Variants in PIGG observed in about 807,000 individuals in gnomAD.
The protein encoded by PIGG is GPI ethanolamine phosphate transferase 2, catalytic subunit.
Under a neutral mutation model 83.2 loss-of-function variants are expected in PIGG, and 70 were observed. That is an observed-to-expected ratio of 0.84 (90% confidence interval 0.69 to 1.03). The LOEUF is 1.03. Ranked by LOEUF, PIGG falls within the 50% of genes least tolerant of loss-of-function variation. The probability of loss-of-function intolerance (pLI) is 0.00; values close to 1 mark genes in which losing one functional copy is unlikely to be tolerated. For missense variants in PIGG, 1,257 were observed against 1,233.6 expected, an observed-to-expected ratio of 1.02 and a Z score of -0.28; for synonymous variants, 532 against 519.5, an observed-to-expected ratio of 1.02 and a Z score of -0.33.
In PIGG at chr4:501,515, C is replaced by T. The variant is rs552110774; in HGVS notation, c.360+914C>T. ...TGTGAGCGTGGCATAAAGTCTCTGA[C>T]GGAGCCTTAGCTGTGTTGTTGATCA... is the stretch of plus-strand genomic sequence containing the variant. On this transcript the variant is annotated intron_variant, in intron 2 of 12. Coordinates refer to ENST00000453061, the MANE Select transcript of PIGG (RefSeq NM_001127178.3). The T allele has an allele frequency of 5.5e-5, 10 of 180,892 alleles. No individual in the cohort carries two copies. In the East Asian group the frequency reaches 1.5e-3, roughly 28 times the overall value. The allele number at this position is 180,892 out of a possible 1,614,324, so 11.2% of individuals were successfully genotyped here. A position where few individuals can be genotyped will look rare whatever the true frequency, so the allele number is the denominator to read the frequency against.
In PIGG at chr4:508,696, G is replaced by GA. The variant is rs200591897; in HGVS notation, c.760-124dup. 7.6e-4 allele frequency: 573 copies of GA among 750,838 alleles called. 2 individuals carry two copies. Among genetic ancestry groups the GA allele is most frequent in the East Asian group, 2.9e-3 (117 of 39,800 alleles). 46.5% of individuals were successfully genotyped at this position (750,838 alleles called of 1,614,324 possible). A position where few individuals can be genotyped will look rare whatever the true frequency, so the allele number is the denominator to read the frequency against. ...CTGTGATCTGGCTATGAGCTCATAG[G>GA]AAAAAAAAATCTAATTCATTGAGAA... On this transcript the variant is annotated intron_variant, in intron 4 of 12. Transcript: ENST00000453061.
rs559827237 is a variant in PIGG at position 505,729 on chromosome 4, G to T, written c.372G>T (p.Thr124=). ...TTTTCTGACTGCAGGCATTGATGACGGGGAGCCTTCCTGGCTTTGTCGACG... is the reference window on the plus strand; with the variant it reads ...TTTTCTGACTGCAGGCATTGATGACTGGGAGCCTTCCTGGCTTTGTCGACG... ...VTMPRIKALM[T]GSLPGFVDVI... is the part of the protein sequence containing the mutation. The change falls in exon 3 of 13, where the codon ACG becomes ACT. Residue 124 remains threonine, a synonymous_variant. Coordinates refer to ENST00000453061, the MANE Select transcript of PIGG (RefSeq NM_001127178.3). 2.5e-6 allele frequency: 4 copies of T among 1,613,164 alleles called. No individual in the cohort carries two copies. The highest frequency in any genetic ancestry group is 8.5e-7 in the Non-Finnish European group (1 of 1,179,574).
Position 539,540 on chromosome 4 carries a change from C to T in PIGG, c.*171C>T. 1 of 591,828 alleles carries T rather than the reference C, an allele frequency of 1.7e-6. No individual in the cohort carries two copies. Among genetic ancestry groups the T allele is most frequent in the Non-Finnish European group, 3.0e-6 (1 of 334,800 alleles). The allele number at this position is 591,828 out of a possible 1,614,324, so 36.7% of individuals were successfully genotyped here. A position where few individuals can be genotyped will look rare whatever the true frequency, so the allele number is the denominator to read the frequency against. On this transcript the variant is annotated 3_prime_UTR_variant, in exon 13 of 13. Coordinates refer to ENST00000453061, the MANE Select transcript of PIGG (RefSeq NM_001127178.3). ...GATCACTTTAATATACAGTTTGTAT[C>T]ATATTTTCCCCCATTGACAATCACT...
chr4:534,652 G>A (rs532305240), intron 12 of PIGG, among the ~76,000 whole-genome samples: 1 of 152,214 alleles, frequency 6.6e-6, no homozygotes, highest in Non-Finnish European at 1.5e-5. Context: ...CAGTGAGCCT[G>A]AGGTCTCCTC....
At position 512,544 on chromosome 4, in the gene PIGG, C is replaced by T. The variant is rs549499628; in HGVS notation, c.902-3429C>T. On this transcript the variant is annotated intron_variant, in intron 5 of 12. Transcript: ENST00000453061. ...TTTTAAAAAATAATTTCTGGCCTGGCACGGTGGCTCATTTGTAATCCCAGC... is the reference window on the plus strand; with the variant it reads ...TTTTAAAAAATAATTTCTGGCCTGGTACGGTGGCTCATTTGTAATCCCAGC... 2.3e-3 allele frequency among the ~76,000 whole-genome samples: 355 copies of T among 152,052 alleles called. 1 individual carries two copies. Among genetic ancestry groups the T allele is most frequent in the South Asian group, 0.012 (56 of 4,814 alleles).
chr4:520,221 G>C (rs1018629066), intron 6 of PIGG, among the ~76,000 whole-genome samples: 1 of 152,258 alleles, frequency 6.6e-6, no homozygotes, highest in East Asian at 1.9e-4. Flanking sequence ...TTCTGGAGTA[G>C]GAAGCTCATG....
Position 523,528 on chromosome 4 carries a change from G to A in PIGG, c.1684G>A (p.Val562Ile), listed in dbSNP as rs747534317. 16 of 1,614,058 alleles carry A rather than the reference G, an allele frequency of 9.9e-6. No individual in the cohort carries two copies. Among genetic ancestry groups the A allele is most frequent in the South Asian group, 5.5e-5 (5 of 91,092 alleles). ...LLILLGTAGHVLSLGASSFVE... is the reference protein window; with the variant it reads ...LLILLGTAGHILSLGASSFVE... ...TATTCTGTTGGGGACGGCGGGCCAC[G>A]TCTTGAGCCTGGGCGCCAGCAGCTT... is the stretch of plus-strand genomic sequence containing the variant. Residue 562 changes from valine (V) to isoleucine (I), a missense_variant, in exon 9 of 13, where the codon GTC becomes ATC. Transcript: ENST00000453061.
intron 10 of PIGG, among the ~76,000 whole-genome samples, chr4:529,187 C>T (rs563584473): frequency 2.6e-5 from 4 of 152,328 alleles, no homozygotes; most frequent in African/African-American, 7.2e-5. Flanking sequence ...CATCACCCTG[C>T]CTGCCCTAGC....
At chr4:508,395 G>A (rs980518152) in intron 4 of PIGG, among the ~76,000 whole-genome samples, 10 of 152,248 alleles carry the variant, frequency 6.6e-5, no homozygotes, top group African/African-American at 2.2e-4. Flanking sequence ...AACCCCAGGG[G>A]CAGAGAAGCC....
rs782195633 is a variant in PIGG, at chr4:499,335, G to A, written c.-1G>A. ...TCCGCATCCAGCCTAGCGTGTCCAC[G>A]ATGCGGCTGGGCTCCGGGACTTTCG... On this transcript the variant is annotated 5_prime_UTR_variant, in exon 1 of 13. Coordinates refer to ENST00000453061, the MANE Select transcript of PIGG (RefSeq NM_001127178.3). The A allele has an allele frequency of 1.9e-6, 3 of 1,607,158 alleles. No homozygotes were observed. Among genetic ancestry groups the A allele is most frequent in the Non-Finnish European group, 2.5e-6 (3 of 1,179,704 alleles).
At position 537,194 on chromosome 4, in the gene PIGG, C is replaced by G. The variant is rs545655329; in HGVS notation, c.2736-1959C>G. 16 of 152,298 alleles carry G rather than the reference C, an allele frequency of 1.1e-4. No homozygotes were observed. The East Asian group carries it at 2.5e-3, about 24-fold the overall frequency. 9.4% of individuals were successfully genotyped at this position (152,298 alleles called of 1,614,324 possible). A position where few individuals can be genotyped will look rare whatever the true frequency, so the allele number is the denominator to read the frequency against. ...TTTCAGTAGAGTAGGAAAACTATAA[C>G]CAGGTCTAAATTGTAGACAGAGAAA... On this transcript the variant is annotated intron_variant, in intron 12 of 12. Transcript: ENST00000453061.
chr4:533,623 T>C, intron 11 of PIGG, 195 bp from the exon 12 acceptor site: 1 of 594,024 alleles, frequency 1.7e-6, no homozygotes, highest in Non-Finnish European at 3.0e-6. Flanking sequence ...GGGGAGGGGG[T>C]GCCACCTAGG....
intron 12 of PIGG, among the ~76,000 whole-genome samples, chr4:538,188 G>A (rs1731205462): frequency 6.6e-6 from 1 of 150,816 alleles, no homozygotes; most frequent in African/African-American, 2.4e-5. Context: ...CTTTCTAACA[G>A]AACTTGATCA....
In PIGG at chr4:515,895, TAGA is replaced by T; in HGVS notation, c.902-75_902-73del. ...CGGATCATTTGGCTCATGTTAGTTG[TAGA>T]AGGTCTAATTCAAGAATGAGTACCA... On this transcript the variant is annotated intron_variant, in intron 5 of 12. Coordinates refer to ENST00000453061, the MANE Select transcript of PIGG (RefSeq NM_001127178.3). The surrounding 1 kb of genome is among the most constrained non-coding windows in gnomAD (Gnocchi z 4.2). The T allele has an allele frequency of 9.0e-7, 1 of 1,114,730 alleles. No homozygotes were observed. Among genetic ancestry groups the T allele is most frequent in the Non-Finnish European group, 1.4e-6 (1 of 729,724 alleles). The allele number at this position is 1,114,730 out of a possible 1,614,324, so 69.1% of individuals were successfully genotyped here.
intron 2 of PIGG, among the ~76,000 whole-genome samples, chr4:503,639 C>T (rs1718547885): frequency 6.6e-6 from 1 of 152,120 alleles, no homozygotes; most frequent in South Asian, 2.1e-4. Flanking sequence ...AATAAATGCC[C>T]AGTAAAATGG....
intron 8 of PIGG, 123 bp from the exon 9 acceptor site, chr4:523,336 C>G: frequency 4.0e-6 from 3 of 748,872 alleles, no homozygotes; most frequent in South Asian, 1.7e-5. Flanking sequence ...GGCCCAGGTG[C>G]TGGGTGTGAG....
intron 10 of PIGG, among the ~76,000 whole-genome samples, chr4:529,762 G>A (rs1049244273): frequency 2.5e-4 from 38 of 152,308 alleles, no homozygotes; most frequent in African/African-American, 9.1e-4. Context: ...TTTGTGAAGT[G>A]TAGAACCATT....
chr4:523,938 AG>A (rs763560051), intron 9 of PIGG, 25 bp downstream of exon 9: 1 of 1,426,050 alleles, frequency 7.0e-7, no homozygotes, highest in South Asian at 1.4e-5. Context: ...CCGTGGCCAC[AG>A]GCCAGACTTT....
rs752036506 is a variant in PIGG, at chr4:515,996, G to A, written c.925G>A (p.Val309Ile). 11 of 1,614,106 alleles carry A rather than the reference G, an allele frequency of 6.8e-6. No homozygotes were observed. In the East Asian group the frequency reaches 1.6e-4, roughly 23 times the overall value. The change falls in exon 6 of 13, where the codon GTC (valine) becomes ATC (isoleucine). Residue 309 changes from valine to isoleucine, a missense_variant. Transcript: ENST00000453061. This position sits in a 1 kb window ranked among gnomAD's most constrained non-coding sequence, Gnocchi z 4.2. ...AGGTGATATCCGACATCCAAAGCACGTCCAACAGACGGATGTGGCTGCGAC... is the reference window on the plus strand; with the variant it reads ...AGGTGATATCCGACATCCAAAGCACATCCAACAGACGGATGTGGCTGCGAC... ...KPGDIRHPKH[V>I]QQTDVAATLA...
Sources: allele counts gnomAD v4.1 joint callset (sites outside exome capture counted in the v4.1 genomes callset), GRCh38; gene constraint gnomAD v4.1.1; non-coding constraint Gnocchi (gnomAD v3.1); transcripts MANE v1.5; gene names NCBI Gene and HGNC (gene_info 2026-07-23, HGNC 2026-07-21).